CAST: variants seen among roughly 807,000 people sequenced by gnomAD.
The protein encoded by CAST is MIR583 host.
Under a neutral mutation model 119.6 loss-of-function variants are expected in CAST, and 76 were observed. The ratio of observed to expected loss-of-function variants is 0.64; its 90% confidence interval spans 0.53 to 0.77. CAST has a LOEUF of 0.77. CAST is among the 30% of genes least tolerant of loss of function. The probability of loss-of-function intolerance (pLI) is 0.00; values close to 1 mark genes in which losing one functional copy is unlikely to be tolerated. For missense variants in CAST, 953 were observed against 946.5 expected (o/e 1.01, Z -0.09); for synonymous variants, 319 against 331.6 (o/e 0.96, Z 0.41).
the CAST span, among the ~76,000 whole-genome samples, chr5:96,464,062 A>G: frequency 6.6e-6 from 1 of 152,010 alleles, no homozygotes; most frequent in Non-Finnish European, 1.5e-5. Context: ...CCAAAATACT[A>G]TGAGAAACAT....
the CAST span, among the ~76,000 whole-genome samples, chr5:96,053,771 T>C: frequency 6.6e-6 from 1 of 152,220 alleles, no homozygotes; most frequent in Non-Finnish European, 1.5e-5. Context: ...TTTATTCAAA[T>C]ATTACTCAGT....
the CAST span, among the ~76,000 whole-genome samples, chr5:96,045,643 T>C: frequency 1.3e-5 from 2 of 152,214 alleles, no homozygotes; most frequent in African/African-American, 4.8e-5. Flanking sequence ...TTGTGGATTG[T>C]GTGCCAGGTA....
At chr5:96,160,520 C>T in the CAST span, among the ~76,000 whole-genome samples, 1 of 152,032 alleles carries the variant, frequency 6.6e-6, no homozygotes, top group Non-Finnish European at 1.5e-5. Context: ...TACCGATATA[C>T]TTTTAGGTTG....
the CAST span, among the ~76,000 whole-genome samples, chr5:96,223,717 T>C: frequency 6.6e-6 from 1 of 152,188 alleles, no homozygotes; most frequent in Admixed American, 6.5e-5. Context: ...GCTGCAGGTG[T>C]TCCTGGGTGG....
At chr5:95,964,285 G>A in the CAST span, among the ~76,000 whole-genome samples, 2 of 152,130 alleles carry the variant, frequency 1.3e-5, no homozygotes, top group East Asian at 1.9e-4. Flanking sequence ...ATTTTGAGGA[G>A]GCTGATGAAA....
At chr5:96,048,223 A>G in the CAST span, among the ~76,000 whole-genome samples, 1 of 152,208 alleles carries the variant, frequency 6.6e-6, no homozygotes, top group Non-Finnish European at 1.5e-5. Flanking sequence ...ATATGATCAT[A>G]TTTGTGTTTT....
At chr5:96,727,448 T>C (rs1257445209) in intron 5 of CAST, 41 bp from the exon 6 acceptor site, 1 of 1,154,270 alleles carries the variant, frequency 8.7e-7, no homozygotes, top group Middle Eastern at 2.3e-4. Flanking sequence ...CTATCTTTCT[T>C]TTCTTCCTTC....
the CAST span, among the ~76,000 whole-genome samples, chr5:96,498,669 G>A: frequency 6.6e-6 from 1 of 152,160 alleles, no homozygotes; most frequent in Non-Finnish European, 1.5e-5. Flanking sequence ...TTTATTTGTG[G>A]TAAATAATTA....
chr5:96,394,386 G>T, the CAST span, among the ~76,000 whole-genome samples: 1 of 152,202 alleles, frequency 6.6e-6, no homozygotes. Flanking sequence ...TTGCCAAGAA[G>T]TGTCAGTTAA....
chr5:96,066,835 A>AT, the CAST span, among the ~76,000 whole-genome samples: 73 of 146,476 alleles, frequency 5.0e-4, 1 homozygote, highest in South Asian at 5.4e-3. Context: ...AGTTAACAAA[A>AT]TTTTTTTTTT....
chr5:96,774,396 A>C lies in CAST; in HGVS notation c.*1780A>C, dbSNP rs781023468. 1.1e-4 allele frequency: 53 copies of C among 469,972 alleles called. No individual in the cohort carries two copies. Among genetic ancestry groups the C allele is most frequent in the Middle Eastern group, 1.1e-3 (1 of 908 alleles). 29.1% of individuals were successfully genotyped at this position (469,972 alleles called of 1,614,324 possible). A position where few individuals can be genotyped will look rare whatever the true frequency, so the allele number is the denominator to read the frequency against. On this transcript the variant is annotated 3_prime_UTR_variant, in exon 32 of 32. Coordinates refer to ENST00000675179, the MANE Select transcript of CAST (RefSeq NM_001750.7). ...ATCTTCGAGACTTGGGTGTTTGTTA[A>C]TAACTAATAACTGGAGTAAGCTACA... is the stretch of plus-strand genomic sequence containing the variant.
At chr5:96,617,902 G>A (rs1747501970) in intron 1 of CAST, among the ~76,000 whole-genome samples, 1 of 147,642 alleles carries the variant, frequency 6.8e-6, no homozygotes, top group Non-Finnish European at 1.5e-5. Flanking sequence ...TCTATCTGGT[G>A]TCTTAAGGAG....
At chr5:96,325,033 C>A in the CAST span, among the ~76,000 whole-genome samples, 11 of 152,086 alleles carry the variant, frequency 7.2e-5, no homozygotes, top group African/African-American at 2.7e-4. Context: ...GGTGAAACCT[C>A]GTCTCTACTA....
chr5:96,645,434 C>T (rs1033963746), intron 1 of CAST, among the ~76,000 whole-genome samples: 4 of 152,132 alleles, frequency 2.6e-5, no homozygotes, highest in African/African-American at 9.7e-5. Flanking sequence ...TCACTAAGTC[C>T]AGTGCATGCC....
chr5:96,341,332 AC>A, the CAST span, among the ~76,000 whole-genome samples: 1 of 57,420 alleles, frequency 1.7e-5, no homozygotes, highest in Non-Finnish European at 3.6e-5. Flanking sequence ...CCATCCCCCC[AC>A]CCTCCACCCC....
At chr5:96,406,387 G>A in the CAST span, among the ~76,000 whole-genome samples, 1 of 152,070 alleles carries the variant, frequency 6.6e-6, no homozygotes, top group African/African-American at 2.4e-5. Flanking sequence ...CCTATTATAA[G>A]TGAACTTAGA....
the CAST span, chr5:96,429,389 G>T: frequency 3.6e-6 from 3 of 839,888 alleles, no homozygotes; most frequent in African/African-American, 1.7e-5. Context: ...TTAAAACTCA[G>T]CTAACTTAGA....
chr5:96,588,772 T>C (rs888364114), intron 1 of CAST, among the ~76,000 whole-genome samples: 3 of 152,184 alleles, frequency 2.0e-5, no homozygotes, highest in African/African-American at 7.2e-5. Context: ...TCCATAGTCA[T>C]TCACTTTGTC....
chr5:96,686,104 C>T (rs999630719), intron 2 of CAST, among the ~76,000 whole-genome samples: 1 of 152,098 alleles, frequency 6.6e-6, no homozygotes, highest in Non-Finnish European at 1.5e-5. Context: ...TTGGAGGGAT[C>T]AGTTACTGAT....
Sources: gnomAD v4.1 joint callset for allele counts (sites outside exome capture counted in the v4.1 genomes callset) on GRCh38, gnomAD v4.1.1 for gene constraint, MANE v1.5 for transcripts, NCBI Gene and HGNC (gene_info 2026-07-23, HGNC 2026-07-21) for gene names.